DCUN1D5: variants seen among roughly 807,000 people sequenced by gnomAD.
The protein encoded by DCUN1D5 is DCN1-like protein 5.
In DCUN1D5, 10 loss-of-function variants were observed where a neutral mutation model predicts 38.3. The ratio of observed to expected loss-of-function variants is 0.26; its 90% CI spans 0.16 to 0.44. The LOEUF (loss-of-function observed/expected upper bound fraction) is 0.44. Among genes scored for constraint, DCUN1D5 ranks in the 20% least tolerant of loss-of-function variants. The pLI is 1.00. For synonymous variants in DCUN1D5, 93 were observed against 90.9 expected, an observed-to-expected ratio of 1.02 and a Z score of -0.13; for missense variants, 148 against 275.3, an observed-to-expected ratio of 0.54 and a Z score of 3.27.
rs1269779956 is a variant in DCUN1D5, at chr11:103,064,118, T to A, written c.658+157A>T. Among the ~76,000 whole-genome samples, 2 of 152,188 alleles carry A rather than the reference T, an allele frequency of 1.3e-5. No homozygotes were observed. The highest frequency in any genetic ancestry group is 2.9e-5 in the Non-Finnish European group (2 of 68,002). On this transcript the variant is annotated intron_variant, in intron 7 of 7. Transcript: ENST00000260247. This position sits in a 1 kb window ranked among gnomAD's most constrained non-coding sequence, Gnocchi z 4.5. Reference sequence around the variant, plus strand: ...AGATTTTATATAATACTGCTGAATCTAAGCTCTCTCTCTACTTCTCCCACA... The same window carrying A: ...AGATTTTATATAATACTGCTGAATCAAAGCTCTCTCTCTACTTCTCCCACA...
chr11:103,079,042 GC>G (rs1267372790), intron 4 of DCUN1D5, among the ~76,000 whole-genome samples: 1 of 152,234 alleles, frequency 6.6e-6, no homozygotes, highest in Non-Finnish European at 1.5e-5. Context: ...GAGGCAAGCG[GC>G]AGGCGAGTGA....
rs1298773962 is a variant in DCUN1D5 at position 103,059,435 on chromosome 11, C to T, written c.*2924G>A. Among the ~76,000 whole-genome samples, 1 of 152,022 alleles carries T rather than the reference C, an allele frequency of 6.6e-6. No individual in the cohort carries two copies. Among genetic ancestry groups the T allele is most frequent in the East Asian group, 1.9e-4 (1 of 5,200 alleles). On this transcript the variant is annotated 3_prime_UTR_variant, in exon 8 of 8. Transcript: ENST00000260247. ...ATTTGTATTTAAGAGAAATACTCCT[C>T]AATCTAACATTCCCAAAGAAGGCTT...
chr11:103,091,805 T>C lies in DCUN1D5; in HGVS notation c.68A>G (p.Lys23Arg). Residue 23 changes from lysine (K) to arginine (R), a missense_variant, in exon 1 of 8, where the codon AAA (lysine) becomes AGA (arginine). Coordinates refer to ENST00000260247, the MANE Select transcript of DCUN1D5 (RefSeq NM_032299.4). This position sits in a 1 kb window ranked among gnomAD's most constrained non-coding sequence, Gnocchi z 4.3. ...AAAVAEDGGL[K>R]KCKISSYCRS... ...ATGGTACCTGGAGATTTTACACTTT[T>C]TGAGGCCTCCGTCTTCCGCTACTGC... 1 of 1,614,100 alleles carries C rather than the reference T, an allele frequency of 6.2e-7. No individual in the cohort carries two copies. Among genetic ancestry groups the C allele is most frequent in the Non-Finnish European group, 8.5e-7 (1 of 1,179,980 alleles).
At chr11:103,089,201 G>T in intron 2 of DCUN1D5, 26 bp downstream of exon 2, 2 of 1,603,284 alleles carry the variant, frequency 1.2e-6, no homozygotes, top group Non-Finnish European at 8.5e-7. Flanking sequence ...CATATGACTA[G>T]TATCTTCTTA....
At chr11:103,079,648 G>A (rs1241692062) in intron 4 of DCUN1D5, among the ~76,000 whole-genome samples, 3 of 151,896 alleles carry the variant, frequency 2.0e-5, no homozygotes, top group Admixed American at 6.6e-5. Context: ...GCCAGGTGTG[G>A]TGGCATGTGC....
rs557697623 is a variant in DCUN1D5 at position 103,062,234 on chromosome 11, A to C, written c.*125T>G. On this transcript the variant is annotated 3_prime_UTR_variant, in exon 8 of 8. Coordinates refer to ENST00000260247, the MANE Select transcript of DCUN1D5 (RefSeq NM_032299.4). This position sits in a 1 kb window ranked among gnomAD's most constrained non-coding sequence, Gnocchi z 4.6. Reference sequence around the variant, plus strand: ...AAAACCTCCTTTAAAAAAAGGAAAAAAAAGTACTATGAGAAGTCTTTCATA... The same window carrying C: ...AAAACCTCCTTTAAAAAAAGGAAAACAAAGTACTATGAGAAGTCTTTCATA... The C allele has an allele frequency of 1.6e-4, 144 of 923,024 alleles. 1 individual carries two copies. In the South Asian group the frequency reaches 2.1e-3, roughly 13 times the overall value. 57.2% of individuals were successfully genotyped at this position (923,024 alleles called of 1,614,324 possible). A position where few individuals can be genotyped will look rare whatever the true frequency, so the allele number is the denominator to read the frequency against.
rs137945027 is a variant in DCUN1D5 at position 103,060,467 on chromosome 11, C to T, written c.*1892G>A. Among the ~76,000 whole-genome samples the T allele has an allele frequency of 1.4e-3, 211 of 152,022 alleles. No individual in the cohort carries two copies. The highest frequency in any genetic ancestry group is 4.4e-3 in the African/African-American group (182 of 41,462). ...TCCCGGGATGCGACACCTACATACA[C>T]GGGGAGGGCTGACTTTTTATACAGG... On this transcript the variant is annotated 3_prime_UTR_variant, in exon 8 of 8. Transcript: ENST00000260247.
chr11:103,069,071 G>C (rs1242399322), intron 4 of DCUN1D5, among the ~76,000 whole-genome samples: 1 of 152,170 alleles, frequency 6.6e-6, no homozygotes, highest in Non-Finnish European at 1.5e-5. Flanking sequence ...GCACTAACTT[G>C]AGTGGGATGC....
In DCUN1D5 at chr11:103,058,337, G is replaced by A. The variant is rs536520516; in HGVS notation, c.*4022C>T. On this transcript the variant is annotated 3_prime_UTR_variant, in exon 8 of 8. Coordinates refer to ENST00000260247, the MANE Select transcript of DCUN1D5 (RefSeq NM_032299.4). ...CTGTACTAATAGAATGTAAAAGATT[G>A]TAAGGTGGACACAGCAAATGTATGA... Among the ~76,000 whole-genome samples, 137 of 152,340 alleles carry A rather than the reference G, an allele frequency of 9.0e-4. No individual in the cohort carries two copies. Among genetic ancestry groups the A allele is most frequent in the African/African-American group, 3.2e-3 (135 of 41,576 alleles).
At position 103,091,450 on chromosome 11, in the gene DCUN1D5, T is replaced by G; in HGVS notation, c.86+337A>C. The stretch of plus-strand genomic sequence containing the variant: ...AGTCTAGAAAAAGGCAGAGGAGCGA[T>G]ACGGGAGTAGGGGATCGAGGGTCGG... On this transcript the variant is annotated intron_variant, in intron 1 of 7. Transcript: ENST00000260247. This position sits in a 1 kb window ranked among gnomAD's most constrained non-coding sequence, Gnocchi z 4.3. 1 of 257,200 alleles carries G rather than the reference T, an allele frequency of 3.9e-6. No homozygotes were observed. The highest frequency in any genetic ancestry group is 7.0e-6 in the Non-Finnish European group (1 of 142,212). The allele number at this position is 257,200 out of a possible 1,614,324, so 15.9% of individuals were successfully genotyped here. A position where few individuals can be genotyped will look rare whatever the true frequency, so the allele number is the denominator to read the frequency against.
rs951223420 is a variant in DCUN1D5 at position 103,083,973 on chromosome 11, C to A, written c.179-647G>T. On this transcript the variant is annotated intron_variant, in intron 2 of 7. Coordinates refer to ENST00000260247, the MANE Select transcript of DCUN1D5 (RefSeq NM_032299.4). The surrounding 1 kb of genome is among the most constrained non-coding windows in gnomAD (Gnocchi z 4.4). ...CTTAATGTAGAAACAGAAGTTTAAT[C>A]TTTCAATTAGTTAGTGTCTATCATT... is the stretch of plus-strand genomic sequence containing the variant. Among the ~76,000 whole-genome samples the A allele has an allele frequency of 6.6e-6, 1 of 152,056 alleles. No homozygotes were observed. The highest frequency in any genetic ancestry group is 1.5e-5 in the Non-Finnish European group (1 of 67,982).
At chr11:103,072,378 A>ATCTAGATCTAGATCTAG (rs1862299783) in intron 4 of DCUN1D5, among the ~76,000 whole-genome samples, 2 of 151,874 alleles carry the variant, frequency 1.3e-5, no homozygotes, top group African/African-American at 2.4e-5. Flanking sequence ...CTAGAACTAG[A>ATCTAGATCTAGATCTAG]AATACCATTT....
rs1861851491 is a variant in DCUN1D5 at position 103,055,482 on chromosome 11, A to G, written c.*6877T>C. 6.6e-6 allele frequency: 1 copy of G among 152,182 alleles called. No individual in the cohort carries two copies. The highest frequency in any genetic ancestry group is 1.5e-5 in the Non-Finnish European group (1 of 68,018). 9.4% of individuals were successfully genotyped at this position (152,182 alleles called of 1,614,324 possible). ...TGTATTACTTCAAAACAAAAACTTT[A>G]TTCCAAGAATAAAGTGACACTCCCT... On this transcript the variant is annotated 3_prime_UTR_variant, in exon 8 of 8. Transcript: ENST00000260247.
In DCUN1D5 at chr11:103,064,553, T is replaced by C. The variant is rs967586028; in HGVS notation, c.556-176A>G. 6.6e-6 allele frequency among the ~76,000 whole-genome samples: 1 copy of C among 152,192 alleles called. No homozygotes were observed. The highest frequency in any genetic ancestry group is 2.1e-4 in the South Asian group (1 of 4,830). ...CATGGGCATTTACATATTAACATAA[T>C]CTATTTTTTACTTTTTTTTTCATTT... On this transcript the variant is annotated intron_variant, in intron 6 of 7. Transcript: ENST00000260247. This position sits in a 1 kb window ranked among gnomAD's most constrained non-coding sequence, Gnocchi z 4.5.
At chr11:103,088,380 AC>A (rs1435977496) in intron 2 of DCUN1D5, among the ~76,000 whole-genome samples, 4 of 152,248 alleles carry the variant, frequency 2.6e-5, no homozygotes, top group African/African-American at 9.6e-5. Context: ...CTCCAAAAAA[AC>A]AAAACTATTC....
chr11:103,091,741 G>A lies in DCUN1D5; in HGVS notation c.86+46C>T, dbSNP rs2134643985. The A allele has an allele frequency of 6.2e-7, 1 of 1,613,408 alleles. No individual in the cohort carries two copies. The highest frequency in any genetic ancestry group is 1.3e-5 in the African/African-American group (1 of 74,994). Reference sequence around the variant, plus strand: ...CGACTCCTTTTCCTCCAGTTGTCCAGCAAAGGAGGGAGGAGGGAAGCTTGA... The same window carrying A: ...CGACTCCTTTTCCTCCAGTTGTCCAACAAAGGAGGGAGGAGGGAAGCTTGA... On this transcript the variant is annotated intron_variant, in intron 1 of 7. Transcript: ENST00000260247. The surrounding 1 kb of genome is among the most constrained non-coding windows in gnomAD (Gnocchi z 4.3).
chr11:103,085,547 CAT>C (rs1319298264), intron 2 of DCUN1D5, among the ~76,000 whole-genome samples: 7 of 152,144 alleles, frequency 4.6e-5, no homozygotes, highest in African/African-American at 1.2e-4. Flanking sequence ...AATGAGATTA[CAT>C]AGAGATATAA....
chr11:103,085,288 A>C (rs1201718432), intron 2 of DCUN1D5, among the ~76,000 whole-genome samples: 1 of 152,168 alleles, frequency 6.6e-6, no homozygotes, highest in African/African-American at 2.4e-5. Context: ...AACTACAAAA[A>C]TTAGCCAGAC....
chr11:103,087,141 C>T lies in DCUN1D5; in HGVS notation c.178+2086G>A, dbSNP rs1411340395. ...AGGAGTTGGAGACCAGTTTGGGCAA[C>T]ATCGTGAAACCCCATTTCTTTTTTT... On this transcript the variant is annotated intron_variant, in intron 2 of 7. Coordinates refer to ENST00000260247, the MANE Select transcript of DCUN1D5 (RefSeq NM_032299.4). This position sits in a 1 kb window ranked among gnomAD's most constrained non-coding sequence, Gnocchi z 4.1. 6.6e-6 allele frequency among the ~76,000 whole-genome samples: 1 copy of T among 151,126 alleles called. No individual in the cohort carries two copies. The highest frequency in any genetic ancestry group is 2.4e-5 in the African/African-American group (1 of 41,204).
Sources: gnomAD v4.1 joint callset for allele counts (sites outside exome capture counted in the v4.1 genomes callset) on GRCh38, gnomAD v4.1.1 for gene constraint, Gnocchi (gnomAD v3.1) non-coding constraint, MANE v1.5 for transcripts, NCBI Gene and HGNC (gene_info 2026-07-23, HGNC 2026-07-21) for gene names.